Variants in UNC13B observed in about 807,000 individuals in gnomAD.
UNC13B encodes unc-13 homolog B.
A neutral mutation model predicts 211.0 loss-of-function variants in UNC13B; 144 were observed. The observed-to-expected ratio is 0.68, with a 90% CI of 0.60 to 0.78. UNC13B has a LOEUF of 0.78. Among genes scored for constraint, UNC13B ranks in the 30% least tolerant of loss-of-function variants. The pLI, the probability that UNC13B is intolerant of heterozygous loss-of-function variation, is 0.00. For synonymous variants in UNC13B, 709 were observed against 725.8 expected (o/e 0.98, Z 0.37); for missense variants, 1,777 against 2,002.0 (o/e 0.89, Z 2.14).
chr9:35,313,987 G>A lies in UNC13B; in HGVS notation c.9412G>A (p.Glu3138Lys). 5 of 1,613,166 alleles carry A rather than the reference G, an allele frequency of 3.1e-6. No homozygotes were observed. The highest frequency in any genetic ancestry group is 4.2e-6 in the Non-Finnish European group (5 of 1,179,216). Reference protein sequence around the residue: ...AVTKVRLQLQEIPDDGDPSLP... With the variant: ...AVTKVRLQLQKIPDDGDPSLP... ...TACCAAGGTTCGACTCCAGCTGCAG[G>A]AGGTAGGAAATCTGTTCTAGTACTG... Residue 3138 changes from glutamate to lysine, a missense_variant and splice_region_variant, in exon 11 of 40, where the codon GAG (glutamate) becomes AAG (lysine). Coordinates refer to ENST00000635942, the MANE Select transcript of UNC13B (RefSeq NM_001371189.2).
chr9:35,192,275 G>T (rs1370113351), intron 1 of UNC13B, among the ~76,000 whole-genome samples: 2 of 152,146 alleles, frequency 1.3e-5, no homozygotes, highest in Admixed American at 6.6e-5. Flanking sequence ...TTGTTAAGAG[G>T]TATTGCTTCC....
At position 35,232,055 on chromosome 9, in the gene UNC13B, A is replaced by G. The variant is rs192774371; in HGVS notation, c.152+836A>G. ...AGAAAACGTACTGAAATTTGCTGTG[A>G]AATTTGAAACTGAACTGAAATCGAT... On this transcript the variant is annotated intron_variant, in intron 3 of 39. Transcript: ENST00000635942. Among the ~76,000 whole-genome samples, 16 of 151,782 alleles carry G rather than the reference A, an allele frequency of 1.1e-4. No individual in the cohort carries two copies. The East Asian group carries it at 2.9e-3, about 28-fold the overall frequency.
intron 26 of UNC13B, among the ~76,000 whole-genome samples, chr9:35,394,394 A>G (rs967982824): frequency 6.6e-6 from 1 of 152,124 alleles, no homozygotes; most frequent in Non-Finnish European, 1.5e-5. Context: ...TCAGGAGTTC[A>G]TGACCAGCCT....
chr9:35,325,895 A>G (rs1335882679), intron 11 of UNC13B, among the ~76,000 whole-genome samples: 1 of 152,206 alleles, frequency 6.6e-6, no homozygotes. Context: ...TGTAGCATGG[A>G]TCGTTACTTT....
chr9:35,352,121 G>A (rs750863682), intron 11 of UNC13B: 22 of 1,232,246 alleles, frequency 1.8e-5, no homozygotes, highest in Non-Finnish European at 2.1e-5. Flanking sequence ...CTGTTCCCTG[G>A]CCAAGGTGTG....
At chr9:35,287,022 C>T (rs959293073) in intron 7 of UNC13B, among the ~76,000 whole-genome samples, 2 of 152,272 alleles carry the variant, frequency 1.3e-5, no homozygotes, top group East Asian at 1.9e-4. Flanking sequence ...CACAAGCCTG[C>T]ACCACCATGC....
chr9:35,260,964 C>T (rs1216226720), intron 7 of UNC13B, among the ~76,000 whole-genome samples: 1 of 152,094 alleles, frequency 6.6e-6, no homozygotes, highest in Non-Finnish European at 1.5e-5. Flanking sequence ...AATAAAAAAC[C>T]TTAAATAATC....
At chr9:35,245,350 A>G (rs1227227625) in intron 6 of UNC13B, among the ~76,000 whole-genome samples, 1 of 146,724 alleles carries the variant, frequency 6.8e-6, no homozygotes, top group Admixed American at 6.8e-5. Context: ...TTTTTTTTTT[A>G]ATTTTATTAT....
At chr9:35,241,580 CACACACACACACACACCACCAT>C (rs1825813248) in intron 5 of UNC13B, among the ~76,000 whole-genome samples, 2 of 146,782 alleles carry the variant, frequency 1.4e-5, no homozygotes, top group Admixed American at 1.4e-4. Context: ...CACACACACA[CACACACACACACACACCACCAT>C]CTTCTTTTTA....
intron 1 of UNC13B, 49 bp downstream of exon 1, chr9:35,162,354 C>T (rs1168208527): frequency 2.0e-6 from 3 of 1,501,564 alleles, no homozygotes; most frequent in Non-Finnish European, 2.7e-6. Context: ...CGTAGAGGTC[C>T]CCGCACCCTT....
At chr9:35,377,904 A>G (rs1373349995) in intron 16 of UNC13B, among the ~76,000 whole-genome samples, 3 of 152,116 alleles carry the variant, frequency 2.0e-5, no homozygotes, top group Admixed American at 6.6e-5. Context: ...AACATGAACC[A>G]TAATACAAGG....
chr9:35,262,233 T>A (rs1315087329), intron 7 of UNC13B, among the ~76,000 whole-genome samples: 1 of 151,914 alleles, frequency 6.6e-6, no homozygotes, highest in African/African-American at 2.4e-5. Flanking sequence ...TTTCTTTCTC[T>A]CTCCTTCCTT....
intron 11 of UNC13B, among the ~76,000 whole-genome samples, chr9:35,333,162 GA>G (rs1157704858): frequency 6.6e-6 from 1 of 152,106 alleles, no homozygotes; most frequent in Non-Finnish European, 1.5e-5. Context: ...AAAGCTAAAT[GA>G]AAAATAGCAT....
intron 1 of UNC13B, among the ~76,000 whole-genome samples, chr9:35,168,315 A>G (rs1244859276): frequency 6.6e-6 from 1 of 152,128 alleles, no homozygotes; most frequent in African/African-American, 2.4e-5. Context: ...GCCATATTGC[A>G]GGGGTTTCAT....
intron 11 of UNC13B, among the ~76,000 whole-genome samples, chr9:35,319,736 C>T (rs1228745108): frequency 6.6e-6 from 1 of 152,020 alleles, no homozygotes; most frequent in Non-Finnish European, 1.5e-5. Flanking sequence ...TCACAGCTCA[C>T]TGCAACCTTA....
In UNC13B at chr9:35,300,212, T is replaced by C. The variant is rs1313565107; in HGVS notation, c.808T>C (p.Ser270Pro). 1 of 398,576 alleles carries C rather than the reference T, an allele frequency of 2.5e-6. No homozygotes were observed. 24.7% of individuals were successfully genotyped at this position (398,576 alleles called of 1,614,324 possible). A position where few individuals can be genotyped will look rare whatever the true frequency, so the allele number is the denominator to read the frequency against. The change falls in exon 9 of 40, where the codon TCC (serine) becomes CCC (proline). Residue 270 changes from serine to proline, a missense_variant. Coordinates refer to ENST00000635942, the MANE Select transcript of UNC13B (RefSeq NM_001371189.2). ...ACTAGATAGAAGAAGAAAAAAGAAA[T>C]CCTTATACAATCATTTTGAAGACAG... ...DTLDRRRKKKSLYNHFEDSER... is the reference protein window; with the variant it reads ...DTLDRRRKKKPLYNHFEDSER...
At chr9:35,297,119 C>G (rs1303342903) in intron 8 of UNC13B, among the ~76,000 whole-genome samples, 1 of 140,986 alleles carries the variant, frequency 7.1e-6, no homozygotes, top group Admixed American at 7.3e-5. Context: ...GACAGAGTCT[C>G]ACTCTGTCTC....
chr9:35,196,351 A>C (rs1390035141), intron 1 of UNC13B, among the ~76,000 whole-genome samples: 4 of 152,238 alleles, frequency 2.6e-5, no homozygotes, highest in African/African-American at 9.6e-5. Flanking sequence ...CAAGTTAGCC[A>C]TTCCCTGTGC....
intron 1 of UNC13B, among the ~76,000 whole-genome samples, chr9:35,181,614 A>G (rs1440417290): frequency 6.6e-6 from 1 of 152,104 alleles, no homozygotes; most frequent in Non-Finnish European, 1.5e-5. Context: ...GAGTGGGTGG[A>G]CCACTCGAGG....
Sources: gnomAD v4.1 joint callset for allele counts (sites outside exome capture counted in the v4.1 genomes callset) on GRCh38, gnomAD v4.1.1 for gene constraint, MANE v1.5 for transcripts, NCBI Gene and HGNC (gene_info 2026-07-23, HGNC 2026-07-21) for gene names.